Variants in DHRS4L2 observed in about 807,000 individuals in gnomAD.
DHRS4L2 encodes the protein dehydrogenase/reductase 4 like 2.
DHRS4L2 carries 22 observed loss-of-function variants against 23.9 expected under a neutral mutation model. The observed-to-expected ratio is 0.92, with a 90% CI of 0.66 to 1.31. The LOEUF is 1.31. Ranked by LOEUF, DHRS4L2 falls within the 40% of genes most tolerant of loss-of-function variation. The pLI is 0.00. For missense variants in DHRS4L2, 385 were observed against 303.3 expected, an observed-to-expected ratio of 1.27 and a Z score of -2.00; for synonymous variants, 141 against 123.7, an observed-to-expected ratio of 1.14 and a Z score of -0.93.
At chr14:24,001,326 A>C (rs1216986546) in intron 5 of DHRS4L2, 58 bp from the exon 6 acceptor site, 2 of 1,583,934 alleles carry the variant, frequency 1.3e-6, no homozygotes, top group Non-Finnish European at 1.7e-6. Flanking sequence ...ATGTCTAGTT[A>C]TTAGAACCAA....
rs147569309 is a variant in DHRS4L2, at chr14:23,991,199, G to C, written c.306+840G>C. ...AATTTGCATAATCTTCTTAGAAGAG[G>C]AGGATCTTAAGCAATAGTAGACAGA... On this transcript the variant is annotated intron_variant, in intron 2 of 7. Transcript: ENST00000335125. 7.2e-5 allele frequency among the ~76,000 whole-genome samples: 11 copies of C among 151,846 alleles called. No individual in the cohort carries two copies. The East Asian group carries it at 1.7e-3, about 24-fold the overall frequency.
chr14:23,990,318 C>G lies in DHRS4L2; in HGVS notation c.265C>G (p.His89Asp), dbSNP rs776057464. 6.2e-7 allele frequency: 1 copy of G among 1,612,070 alleles called. No individual in the cohort carries two copies. Residue 89 changes from histidine to aspartate, a missense_variant, in exon 2 of 8, where the codon CAT (histidine) becomes GAT (aspartate). Coordinates refer to ENST00000335125, the MANE Select transcript of DHRS4L2 (RefSeq NM_198083.4). Reference sequence around the variant, plus strand: ...GCTGAGCGTGACGGGCACTGTGTGCCATGTGGGGAAGGCGGAGGACCGGGA... The same window carrying G: ...GCTGAGCGTGACGGGCACTGTGTGCGATGTGGGGAAGGCGGAGGACCGGGA... The part of the protein sequence containing the change: ...EGLSVTGTVC[H>D]VGKAEDRERL...
intron 1 of DHRS4L2, among the ~76,000 whole-genome samples, chr14:23,983,077 C>T (rs137896151): frequency 6.6e-6 from 1 of 151,594 alleles, no homozygotes; most frequent in East Asian, 1.9e-4. Context: ...AAGAGACTAT[C>T]GTCAGAGTGA....
At chr14:23,996,173 C>T (rs2034378792) in intron 3 of DHRS4L2, among the ~76,000 whole-genome samples, 1 of 151,680 alleles carries the variant, frequency 6.6e-6, no homozygotes, top group South Asian at 2.1e-4. Context: ...GGGCACCAAG[C>T]CATTCATAAG....
chr14:23,987,106 C>G (rs1016340119), upstream of DHRS4L2: 1 of 265,606 alleles, frequency 3.8e-6, no homozygotes, highest in Non-Finnish European at 7.5e-6. Flanking sequence ...TCGCCATACA[C>G]CCCCTTTTGA....
At chr14:23,985,040 T>C (rs2034116311), upstream of DHRS4L2, among the ~76,000 whole-genome samples, 4 of 151,324 alleles carry the variant, frequency 2.6e-5, no homozygotes, top group Admixed American at 6.6e-5. Context: ...TGTAGGCTTG[T>C]ATGACTGCAT....
At chr14:23,996,213 C>T (rs1325262902) in intron 3 of DHRS4L2, among the ~76,000 whole-genome samples, 1 of 151,702 alleles carries the variant, frequency 6.6e-6, no homozygotes, top group African/African-American at 2.4e-5. Flanking sequence ...AAACACCTCA[C>T]ACCAGGCCCC....
At chr14:23,993,821 C>T (rs1208100573) in intron 2 of DHRS4L2, among the ~76,000 whole-genome samples, 1 of 151,666 alleles carries the variant, frequency 6.6e-6, no homozygotes, top group Non-Finnish European at 1.5e-5. Flanking sequence ...CTTCTCCCAT[C>T]ATGGCTCTCC....
intron 1 of DHRS4L2, among the ~76,000 whole-genome samples, chr14:23,972,279 G>A (rs955482787): frequency 6.6e-5 from 10 of 151,920 alleles, no homozygotes; most frequent in African/African-American, 9.7e-5. Context: ...TGGTGGGTTC[G>A]TGGTCTTGCT....
In DHRS4L2 at chr14:23,973,629, C is replaced by A. The variant is rs546706998; in HGVS notation, c.-176+3297C>A. Among the ~76,000 whole-genome samples the A allele has an allele frequency of 4.6e-5, 7 of 151,892 alleles. No individual in the cohort carries two copies. The South Asian group carries it at 1.5e-3, about 32-fold the overall frequency. Reference sequence around the variant, plus strand: ...GTCTCTGATAAAACAGACATTAAACCAACAAAGATGAAAGGAGACAAAGAA... The same window carrying A: ...GTCTCTGATAAAACAGACATTAAACAAACAAAGATGAAAGGAGACAAAGAA... On this transcript the variant is annotated intron_variant, in intron 1 of 5. Coordinates refer to the DHRS4L2 transcript ENST00000534993.
intron 2 of DHRS4L2, among the ~76,000 whole-genome samples, chr14:23,993,508 T>C (rs894680617): frequency 6.6e-6 from 1 of 151,610 alleles, no homozygotes; most frequent in Non-Finnish European, 1.5e-5. Context: ...GCCCACATAC[T>C]GCAACTTGCC....
At chr14:23,972,219 C>T (rs577115197) in intron 1 of DHRS4L2, among the ~76,000 whole-genome samples, 19 of 151,984 alleles carry the variant, frequency 1.3e-4, no homozygotes, top group Non-Finnish European at 2.2e-4. Flanking sequence ...GGCAGCGTGT[C>T]TGGAGTTTGT....
intron 1 of DHRS4L2, among the ~76,000 whole-genome samples, chr14:23,972,653 G>A (rs1168669283): frequency 6.6e-6 from 1 of 152,012 alleles, no homozygotes; most frequent in Middle Eastern, 3.2e-3. Flanking sequence ...ATAAGACACA[G>A]AGACAAAGTA....
At chr14:23,999,195 C>G (rs1192753331) in intron 3 of DHRS4L2, among the ~76,000 whole-genome samples, 5 of 149,460 alleles carry the variant, frequency 3.3e-5, no homozygotes, top group Middle Eastern at 3.4e-3. Flanking sequence ...AAAGATCACT[C>G]ATCACAGATC....
upstream of DHRS4L2, among the ~76,000 whole-genome samples, chr14:23,987,670 A>G (rs1176336869): frequency 6.6e-6 from 1 of 151,726 alleles, no homozygotes; most frequent in Non-Finnish European, 1.5e-5. Context: ...TAACACACAC[A>G]CACACAAAAA....
chr14:24,005,999 G>C lies in DHRS4L2; in HGVS notation c.*136G>C. Reference sequence around the variant, plus strand: ...GGTGGAGGAACCCCGTCCCGCCTCTGAGGACCGGGAGACAGCCCACAGGCC... The same window carrying C: ...GGTGGAGGAACCCCGTCCCGCCTCTCAGGACCGGGAGACAGCCCACAGGCC... On this transcript the variant is annotated 3_prime_UTR_variant, in exon 8 of 8. Transcript: ENST00000335125. The C allele has an allele frequency of 6.2e-7, 1 of 1,605,968 alleles. No homozygotes were observed. Among genetic ancestry groups the C allele is most frequent in the Non-Finnish European group, 8.5e-7 (1 of 1,176,868 alleles).
At chr14:23,994,322 C>T (rs1220569326) in intron 2 of DHRS4L2, among the ~76,000 whole-genome samples, 2 of 151,550 alleles carry the variant, frequency 1.3e-5, no homozygotes, top group African/African-American at 2.4e-5. Context: ...AATGAAGGAG[C>T]TTTCCAAAGG....
intron 1 of DHRS4L2, among the ~76,000 whole-genome samples, chr14:23,974,854 A>G (rs991714409): frequency 4.6e-5 from 7 of 151,912 alleles, no homozygotes; most frequent in African/African-American, 1.7e-4. Context: ...TTCTGAAACT[A>G]TACCGATCAA....
At chr14:24,005,359 G>C (rs930103187) in intron 7 of DHRS4L2, among the ~76,000 whole-genome samples, 20 of 150,704 alleles carry the variant, frequency 1.3e-4, no homozygotes, top group Admixed American at 7.3e-4. Context: ...CTATGGCAGG[G>C]AGATTAAAGT....
Sources: gnomAD v4.1 joint callset for allele counts (sites outside exome capture counted in the v4.1 genomes callset) on GRCh38, gnomAD v4.1.1 for gene constraint, MANE v1.5 for transcripts, NCBI Gene and HGNC (gene_info 2026-07-23, HGNC 2026-07-21) for gene names.